NBEA: variants seen among roughly 807,000 people sequenced by gnomAD.
NBEA encodes neurobeachin, also known as lysosomal-trafficking regulator 2.
Under a neutral mutation model 343.4 loss-of-function variants are expected in NBEA, and 44 were observed. The ratio of observed to expected loss-of-function variants is 0.13; its 90% CI spans 0.10 to 0.16. The LOEUF (loss-of-function observed/expected upper bound fraction) is 0.16. NBEA is among the 10% of genes least tolerant of loss of function. NBEA has a pLI of 1.00. For missense variants in NBEA, 2,555 were observed against 3,631.3 expected, an observed-to-expected ratio of 0.70 and a Z score of 7.62; for synonymous variants, 1,175 against 1,238.7, an observed-to-expected ratio of 0.95 and a Z score of 1.08.
intron 35 of NBEA, among the ~76,000 whole-genome samples, chr13:35,296,428 T>C (rs1392401433): frequency 6.6e-6 from 1 of 151,582 alleles, no homozygotes; most frequent in East Asian, 1.9e-4. Flanking sequence ...TTTTTTCTTA[T>C]GTCTAACTTC....
At chr13:35,643,864 C>T (rs2084088390) in intron 49 of NBEA, among the ~76,000 whole-genome samples, 1 of 152,144 alleles carries the variant, frequency 6.6e-6, no homozygotes, top group South Asian at 2.1e-4. Context: ...GCAACCCTCC[C>T]ATTCACAGGA....
intron 38 of NBEA, among the ~76,000 whole-genome samples, chr13:35,431,893 C>G (rs986276609): frequency 1.3e-5 from 2 of 152,064 alleles, no homozygotes; most frequent in Non-Finnish European, 2.9e-5. Context: ...TGATTTACAA[C>G]CCTTGTTAAA....
intron 55 of NBEA, among the ~76,000 whole-genome samples, chr13:35,661,746 C>T (rs1232112089): frequency 1.3e-5 from 2 of 152,136 alleles, no homozygotes; most frequent in Non-Finnish European, 2.9e-5. Context: ...AACTACCATA[C>T]CCTTTGACTA....
At chr13:35,110,058 T>C (rs2066118905) in intron 12 of NBEA, among the ~76,000 whole-genome samples, 1 of 142,062 alleles carries the variant, frequency 7.0e-6, no homozygotes. Flanking sequence ...TTTTAAATGT[T>C]TTTTTTTTTT....
In NBEA at chr13:35,665,209, T is replaced by G. The variant is rs772621403; in HGVS notation, c.8464+23T>G. The G allele has an allele frequency of 3.4e-5, 52 of 1,533,114 alleles. No individual in the cohort carries two copies. In the Admixed American group the frequency reaches 9.1e-4, roughly 27 times the overall value. 95.0% of individuals were successfully genotyped at this position (1,533,114 alleles called of 1,614,324 possible). A position where few individuals can be genotyped will look rare whatever the true frequency, so the allele number is the denominator to read the frequency against. ...AAGGTCAGAAGTCATTTCTTTCATT[T>G]TCAATGTCTAGAAGATGACTGTTTT... On this transcript the variant is annotated intron_variant, in intron 56 of 58. Transcript: ENST00000379939.
chr13:35,030,297 T>A (rs1328741490), intron 1 of NBEA, among the ~76,000 whole-genome samples: 1 of 151,556 alleles, frequency 6.6e-6, no homozygotes, highest in Non-Finnish European at 1.5e-5. Flanking sequence ...TATGGTCTAC[T>A]ACATGTAGAT....
chr13:35,243,446 T>C (rs2030670814), intron 34 of NBEA, among the ~76,000 whole-genome samples: 1 of 151,830 alleles, frequency 6.6e-6, no homozygotes, highest in Non-Finnish European at 1.5e-5. Flanking sequence ...GGATAAAAAC[T>C]CCTCAATCAA....
chr13:35,583,867 A>G (rs2081169676), intron 45 of NBEA, 31 bp from the exon 46 acceptor site: 1 of 1,560,648 alleles, frequency 6.4e-7, no homozygotes, highest in Admixed American at 1.8e-5. Flanking sequence ...ATATGACTGT[A>G]TTAAACAAAA....
At chr13:35,183,256 A>T (rs1008454134) in intron 29 of NBEA, among the ~76,000 whole-genome samples, 1 of 152,042 alleles carries the variant, frequency 6.6e-6, no homozygotes, top group Non-Finnish European at 1.5e-5. Flanking sequence ...CCAGGTGTTT[A>T]TATCAAGGTT....
intron 11 of NBEA, among the ~76,000 whole-genome samples, chr13:35,106,483 G>C (rs1401193096): frequency 1.3e-5 from 2 of 151,756 alleles, no homozygotes; most frequent in Non-Finnish European, 2.9e-5. Context: ...GATAAAAGAT[G>C]AATAAGATAA....
rs1555270533 is a variant in NBEA at position 35,459,017 on chromosome 13, C to CCACA, written c.6448+6800_6448+6803dup. Among the ~76,000 whole-genome samples the CCACA allele has an allele frequency of 1.6e-3, 121 of 74,770 alleles. 1 individual carries two copies. The highest frequency in any genetic ancestry group is 6.8e-3 in the African/African-American group (111 of 16,366). 49.1% of individuals were successfully genotyped at this position (74,770 alleles called of 152,430 possible). On this transcript the variant is annotated intron_variant, in intron 40 of 58. Coordinates refer to ENST00000379939, the MANE Select transcript of NBEA (RefSeq NM_001385012.1). ...TTTCTTTACCACCGCCCCCCCCCCC[C>CCACA]CACACACACACACACACACACTTAC...
chr13:35,052,967 G>C (rs558958671), intron 6 of NBEA, among the ~76,000 whole-genome samples: 4 of 151,848 alleles, frequency 2.6e-5, no homozygotes, highest in Non-Finnish European at 5.9e-5. Flanking sequence ...TCCCATCTTA[G>C]ACTCCCCTTT....
At chr13:35,247,527 A>C (rs2031385090) in intron 34 of NBEA, among the ~76,000 whole-genome samples, 1 of 152,056 alleles carries the variant, frequency 6.6e-6, no homozygotes, top group Admixed American at 6.5e-5. Flanking sequence ...TAAGGTTAGA[A>C]TCTTTTCCAG....
chr13:35,152,811 T>C (rs1480087963), intron 18 of NBEA, among the ~76,000 whole-genome samples: 2 of 152,054 alleles, frequency 1.3e-5, no homozygotes, highest in Non-Finnish European at 2.9e-5. Flanking sequence ...GTGCTCTAAG[T>C]GTTAAATACA....
intron 40 of NBEA, among the ~76,000 whole-genome samples, chr13:35,453,633 T>C (rs941728462): frequency 6.6e-6 from 1 of 152,206 alleles, no homozygotes; most frequent in South Asian, 2.1e-4. Context: ...TTCCTATTCA[T>C]ATATGCTAGC....
At chr13:35,389,329 G>T (rs941036616) in intron 38 of NBEA, among the ~76,000 whole-genome samples, 1 of 151,992 alleles carries the variant, frequency 6.6e-6, no homozygotes, top group African/African-American at 2.4e-5. Context: ...AAACCCATAA[G>T]CATTGTGAAT....
At chr13:35,229,511 A>T (rs2074850075) in intron 33 of NBEA, among the ~76,000 whole-genome samples, 1 of 152,056 alleles carries the variant, frequency 6.6e-6, no homozygotes, top group African/African-American at 2.4e-5. Flanking sequence ...TTTTAAGGAG[A>T]AAATTTTATT....
At chr13:35,538,107 C>T (rs1323399442) in intron 41 of NBEA, among the ~76,000 whole-genome samples, 3 of 152,114 alleles carry the variant, frequency 2.0e-5, no homozygotes, top group Non-Finnish European at 2.9e-5. Flanking sequence ...CTTAGATAAC[C>T]GCAGGTGGAG....
At chr13:35,502,005 C>A (rs2076909381) in intron 41 of NBEA, among the ~76,000 whole-genome samples, 1 of 152,046 alleles carries the variant, frequency 6.6e-6, no homozygotes. Context: ...TTTTGAAGCA[C>A]CTGCTAGTGC....
Sources: gnomAD v4.1 joint callset for allele counts (sites outside exome capture counted in the v4.1 genomes callset) on GRCh38, gnomAD v4.1.1 for gene constraint, MANE v1.5 for transcripts, NCBI Gene and HGNC (gene_info 2026-07-23, HGNC 2026-07-21) for gene names.